Variants in DTWD2 observed in about 807,000 individuals in gnomAD.
DTWD2 encodes the protein tRNA-uridine aminocarboxypropyltransferase 2.
DTWD2 carries 39 observed loss-of-function variants against 31.8 expected under a neutral mutation model. That is an observed-to-expected ratio of 1.22 (90% CI 0.95 to 1.60). DTWD2 has a LOEUF of 1.60. Among genes scored for constraint, DTWD2 ranks in the 40% most tolerant of loss-of-function variants. The probability of loss-of-function intolerance (pLI) is 0.00; values close to 1 mark genes in which losing one functional copy is unlikely to be tolerated. For missense variants in DTWD2, 515 were observed against 381.5 expected (o/e 1.35, Z -2.92); for synonymous variants, 180 against 142.8 (o/e 1.26, Z -1.86).
At chr5:118,850,477 C>CAAAAAAAAAAAAAAAA (rs34808087) in intron 4 of DTWD2, among the ~76,000 whole-genome samples, 1 of 30,474 alleles carries the variant, frequency 3.3e-5, no homozygotes, top group African/African-American at 1.0e-4. Context: ...GACCCCACCA[C>CAAAAAAAAAAAAAAAA]AAAAAAAAAA....
In DTWD2 at chr5:118,900,271, T is replaced by C. The variant is rs112805907; in HGVS notation, c.597+28266A>G. On this transcript the variant is annotated intron_variant, in intron 4 of 5. Coordinates refer to ENST00000510708, the MANE Select transcript of DTWD2 (RefSeq NM_173666.4). ...CAGGAACTGGGGTTATTACAGACAG[T>C]GTTAATACGAATAGTGTTAATAACT... 4.9e-3 allele frequency among the ~76,000 whole-genome samples: 740 copies of C among 152,334 alleles called. 6 individuals carry two copies. Among genetic ancestry groups the C allele is most frequent in the African/African-American group, 0.017 (695 of 41,572 alleles).
intron 4 of DTWD2, among the ~76,000 whole-genome samples, chr5:118,868,481 G>A (rs1285141278): frequency 1.3e-5 from 2 of 152,138 alleles, no homozygotes; most frequent in Non-Finnish European, 2.9e-5. Flanking sequence ...GCAACTCACA[G>A]AATGGGAGAA....
intron 4 of DTWD2, among the ~76,000 whole-genome samples, chr5:118,864,772 T>G (rs1752346833): frequency 6.6e-6 from 1 of 152,056 alleles, no homozygotes; most frequent in South Asian, 2.1e-4. Context: ...GCCATATGTT[T>G]TTCACCTATT....
At position 118,840,745 on chromosome 5, in the gene DTWD2, TTC is replaced by T; in HGVS notation, c.*170_*171del. 3.2e-6 allele frequency: 2 copies of T among 618,728 alleles called. No individual in the cohort carries two copies. Among genetic ancestry groups the T allele is most frequent in the Non-Finnish European group, 4.8e-6 (2 of 420,638 alleles). The allele number at this position is 618,728 out of a possible 1,614,324, so 38.3% of individuals were successfully genotyped here. On this transcript the variant is annotated 3_prime_UTR_variant, in exon 6 of 6. Transcript: ENST00000510708. ...CCTGCTTTTCAGTGAGCCAGTGAAT[TTC>T]TGTTTATTTGTATTTATGAATATTT...
Position 118,988,359 on chromosome 5 carries a change from A to G in DTWD2, c.153T>C (p.Ser51=). The G allele has an allele frequency of 6.4e-7, 1 of 1,566,300 alleles. No homozygotes were observed. The highest frequency in any genetic ancestry group is 8.6e-7 in the Non-Finnish European group (1 of 1,158,524). The change falls in exon 1 of 6, where the codon AGT becomes AGC. Residue 51 remains serine (S), a synonymous_variant. Transcript: ENST00000510708. ...AALGAEADDD[S]ADGLWELPVE... ...CCGGCAGCTCCCACAGCCCGTCCGC[A>G]CTGTCGTCGTCCGCCTCTGCGCCCA... is the stretch of plus-strand genomic sequence containing the variant.
At chr5:118,856,764 C>CTTTTTTTTTTTTTTTTTTT in intron 4 of DTWD2, among the ~76,000 whole-genome samples, 1 of 44,342 alleles carries the variant, frequency 2.3e-5, no homozygotes, top group Non-Finnish European at 4.0e-5. Flanking sequence ...TTGAGGCTTA[C>CTTTTTTTTTTTTTTTTTTT]TTTTTTTTTT....
At chr5:118,972,849 C>T (rs918298091) in intron 1 of DTWD2, among the ~76,000 whole-genome samples, 6 of 152,102 alleles carry the variant, frequency 3.9e-5, no homozygotes, top group African/African-American at 1.2e-4. Context: ...TAATTCACCG[C>T]ATAAACAAAA....
intron 4 of DTWD2, among the ~76,000 whole-genome samples, chr5:118,919,643 T>C (rs1753657133): frequency 6.6e-6 from 1 of 152,200 alleles, no homozygotes; most frequent in Admixed American, 6.5e-5. Context: ...ATTTGTATCA[T>C]ATATAAGGTT....
At chr5:118,964,562 G>A (rs1034651942) in intron 1 of DTWD2, among the ~76,000 whole-genome samples, 2 of 151,840 alleles carry the variant, frequency 1.3e-5, no homozygotes, top group African/African-American at 4.8e-5. Context: ...GCCTCAGCCT[G>A]CCGAATGCCT....
At position 118,976,159 on chromosome 5, in the gene DTWD2, C is replaced by T. The variant is rs566800246; in HGVS notation, c.218+12135G>A. 4.6e-5 allele frequency among the ~76,000 whole-genome samples: 7 copies of T among 152,280 alleles called. No homozygotes were observed. In the South Asian group the frequency reaches 6.2e-4, roughly 14 times the overall value. ...GAAACCAATGAGAACAAAGACACAA[C>T]GTACCAGTATATCTGGGACACAGCT... On this transcript the variant is annotated intron_variant, in intron 1 of 5. Transcript: ENST00000510708.
intron 4 of DTWD2, among the ~76,000 whole-genome samples, chr5:118,851,513 A>C (rs1016880670): frequency 1.3e-5 from 2 of 152,004 alleles, no homozygotes; most frequent in Admixed American, 6.6e-5. Context: ...GGGCAAAAAG[A>C]ACAAAGATCA....
chr5:118,856,754 T>C (rs1234903828), intron 4 of DTWD2, among the ~76,000 whole-genome samples: 2 of 148,730 alleles, frequency 1.3e-5, no homozygotes, highest in Admixed American at 6.9e-5. Context: ...CTTCACTCCA[T>C]TGAGGCTTAC....
chr5:118,905,029 T>C (rs1331679688), intron 4 of DTWD2, among the ~76,000 whole-genome samples: 1 of 152,120 alleles, frequency 6.6e-6, no homozygotes, highest in African/African-American at 2.4e-5. Context: ...GATAATCACC[T>C]TGACATAATT....
chr5:118,969,944 T>C (rs115142254), intron 1 of DTWD2, among the ~76,000 whole-genome samples: 3,848 of 152,232 alleles, frequency 0.025, 76 homozygotes, highest in Middle Eastern at 0.058. Context: ...GATAAAACAA[T>C]ACAGGAGTTG....
At chr5:118,859,799 T>C (rs1752218776) in intron 4 of DTWD2, among the ~76,000 whole-genome samples, 1 of 152,116 alleles carries the variant, frequency 6.6e-6, no homozygotes, top group Admixed American at 6.6e-5. Context: ...CACTTTTTTA[T>C]AAAAATAGGA....
chr5:118,836,351 G>GCCTCCCAGGTTCAAGCAATTCTCTGTAAT lies in DTWD2; in HGVS notation c.*4565_*4566insATTACAGAGAATTGCTTGAACCTGGGAGG, dbSNP rs1751569098. Reference sequence around the variant, plus strand: ...GCCTCCCAGGTTCAAGCAATTCTCTGCCTCAGCCTCCTGAGTAGCTGGGAT... The same window carrying GCCTCCCAGGTTCAAGCAATTCTCTGTAAT: ...GCCTCCCAGGTTCAAGCAATTCTCTGCCTCCCAGGTTCAAGCAATTCTCTGTAATCCTCAGCCTCCTGAGTAGCTGGGAT... On this transcript the variant is annotated 3_prime_UTR_variant, in exon 6 of 6. Transcript: ENST00000510708. Among the ~76,000 whole-genome samples, 1 of 151,986 alleles carries GCCTCCCAGGTTCAAGCAATTCTCTGTAAT rather than the reference G, an allele frequency of 6.6e-6. No individual in the cohort carries two copies. Among genetic ancestry groups the GCCTCCCAGGTTCAAGCAATTCTCTGTAAT allele is most frequent in the Admixed American group, 6.6e-5 (1 of 15,260 alleles).
chr5:118,853,133 A>G (rs1457257400), intron 4 of DTWD2, among the ~76,000 whole-genome samples: 1 of 152,222 alleles, frequency 6.6e-6, no homozygotes, highest in Non-Finnish European at 1.5e-5. Flanking sequence ...CCTGGGTAAC[A>G]GTATCATTCA....
At chr5:118,902,927 G>C (rs1753248459) in intron 4 of DTWD2, among the ~76,000 whole-genome samples, 1 of 151,950 alleles carries the variant, frequency 6.6e-6, no homozygotes, top group African/African-American at 2.4e-5. Flanking sequence ...TAAATAAATA[G>C]ATGTTTAAAA....
intron 1 of DTWD2, among the ~76,000 whole-genome samples, chr5:118,965,231 C>T (rs988578437): frequency 4.4e-4 from 66 of 151,686 alleles, no homozygotes; most frequent in Non-Finnish European, 8.4e-4. Flanking sequence ...AAGTGAGGAG[C>T]ATCTCCGCCC....
Sources: gnomAD v4.1 joint callset for allele counts (sites outside exome capture counted in the v4.1 genomes callset) on GRCh38, gnomAD v4.1.1 for gene constraint, MANE v1.5 for transcripts, NCBI Gene and HGNC (gene_info 2026-07-23, HGNC 2026-07-21) for gene names.